Variants in ANKRD13C observed in about 807,000 individuals in gnomAD.
The protein encoded by ANKRD13C is ankyrin repeat domain-containing protein 13C.
A neutral mutation model predicts 65.5 loss-of-function variants in ANKRD13C; 16 were observed. That is an observed-to-expected ratio of 0.24 (90% confidence interval 0.17 to 0.37). The LOEUF is 0.37. ANKRD13C is among the 10% of genes least tolerant of loss of function. The pLI is 1.00. For missense variants in ANKRD13C, 503 were observed against 655.9 expected (o/e 0.77, Z 2.55); for synonymous variants, 235 against 238.7 (o/e 0.98, Z 0.14).
chr1:70,338,056 G>A (rs577298586), intron 1 of ANKRD13C, among the ~76,000 whole-genome samples: 6 of 151,946 alleles, frequency 3.9e-5, no homozygotes, highest in East Asian at 1.9e-4. Flanking sequence ...CCAAGATGGC[G>A]GCAATGCACT....
chr1:70,331,562 T>C (rs1012117465), intron 2 of ANKRD13C, among the ~76,000 whole-genome samples: 4 of 151,386 alleles, frequency 2.6e-5, no homozygotes, highest in South Asian at 2.1e-4. Flanking sequence ...GAACACTAAG[T>C]AGGCCACGCA....
At chr1:70,308,275 C>T (rs891907028) in intron 5 of ANKRD13C, among the ~76,000 whole-genome samples, 19 of 152,150 alleles carry the variant, frequency 1.2e-4, no homozygotes, top group African/African-American at 4.3e-4. Flanking sequence ...GAATTACAGG[C>T]ACAAGCCACC....
intron 5 of ANKRD13C, among the ~76,000 whole-genome samples, chr1:70,311,131 A>G (rs1293105596): frequency 6.6e-6 from 1 of 152,242 alleles, no homozygotes; most frequent in Non-Finnish European, 1.5e-5. Context: ...GCCATAAAGT[A>G]TTATGTAGCT....
At chr1:70,322,556 C>T (rs1681355608) in intron 3 of ANKRD13C, among the ~76,000 whole-genome samples, 1 of 152,164 alleles carries the variant, frequency 6.6e-6, no homozygotes, top group African/African-American at 2.4e-5. Flanking sequence ...TATCCTTTAA[C>T]TAATTTTCCA....
At chr1:70,338,160 T>C (rs1294950702) in intron 1 of ANKRD13C, among the ~76,000 whole-genome samples, 4 of 151,994 alleles carry the variant, frequency 2.6e-5, no homozygotes, top group South Asian at 2.1e-4. Flanking sequence ...TTTAGTAAAA[T>C]TGATTTCTCT....
chr1:70,295,490 CCGGCCT>C (rs1046850115), intron 8 of ANKRD13C, among the ~76,000 whole-genome samples: 7 of 152,136 alleles, frequency 4.6e-5, no homozygotes, highest in African/African-American at 1.7e-4. Context: ...TCGTGATCCG[CCGGCCT>C]CGGCCTCCCA....
intron 1 of ANKRD13C, among the ~76,000 whole-genome samples, chr1:70,346,755 C>A (rs2101630356): frequency 6.6e-6 from 1 of 152,276 alleles, no homozygotes. Context: ...GCTTTTTATA[C>A]TGACCCTTGC....
At chr1:70,310,815 G>GA (rs1262714123) in intron 5 of ANKRD13C, among the ~76,000 whole-genome samples, 8 of 152,104 alleles carry the variant, frequency 5.3e-5, no homozygotes, top group African/African-American at 1.7e-4. Context: ...CCCCACATGG[G>GA]AAAAAAATGG....
At chr1:70,347,091 C>CAAAAA (rs35972712) in intron 1 of ANKRD13C, among the ~76,000 whole-genome samples, 1 of 36,338 alleles carries the variant, frequency 2.8e-5, no homozygotes, top group Non-Finnish European at 4.6e-5. Context: ...GGCTCCGTCT[C>CAAAAA]AAAAAAAAAA....
intron 1 of ANKRD13C, 140 bp downstream of exon 1, chr1:70,353,839 T>G: frequency 8.5e-7 from 1 of 1,175,472 alleles, no homozygotes; most frequent in South Asian, 2.1e-5. Context: ...TATTACTGAG[T>G]CGATCATGAT....
chr1:70,300,710 C>T (rs1680312439), intron 7 of ANKRD13C, 54 bp downstream of exon 7: 27 of 1,464,636 alleles, frequency 1.8e-5, no homozygotes, highest in Non-Finnish European at 2.4e-5. Flanking sequence ...TTGCTAAAAA[C>T]CTATACTTTT....
chr1:70,354,701 C>A lies in ANKRD13C; in HGVS notation c.-293G>T, dbSNP rs1572203351. On this transcript the variant is annotated 5_prime_UTR_variant, in exon 1 of 13. Transcript: ENST00000370944. ...CGCTGCCTTACACCGAAAAACAGGG[C>A]ACGGCCATCTTCCTCTTGCTCCTCT... 2 of 741,810 alleles carry A rather than the reference C, an allele frequency of 2.7e-6. No homozygotes were observed. Among genetic ancestry groups the A allele is most frequent in the East Asian group, 2.7e-5 (1 of 36,922 alleles). The allele number at this position is 741,810 out of a possible 1,614,324, so 46.0% of individuals were successfully genotyped here.
intron 2 of ANKRD13C, 78 bp from the exon 3 acceptor site, chr1:70,325,035 T>A (rs1681470618): frequency 1.1e-6 from 1 of 945,532 alleles, no homozygotes; most frequent in Non-Finnish European, 1.5e-6. Flanking sequence ...AAAAGTTTAA[T>A]AAACCAAATT....
intron 9 of ANKRD13C, among the ~76,000 whole-genome samples, chr1:70,289,669 G>A (rs1679775927): frequency 6.6e-6 from 1 of 150,840 alleles, no homozygotes; most frequent in South Asian, 2.1e-4. Context: ...GTAGAGACGG[G>A]GTTTCACCAT....
chr1:70,318,068 C>G (rs975913899), intron 3 of ANKRD13C, among the ~76,000 whole-genome samples: 3 of 152,132 alleles, frequency 2.0e-5, no homozygotes, highest in African/African-American at 7.2e-5. Flanking sequence ...CGAAGAGATT[C>G]CCTTTTCTAT....
rs1398184106 is a variant in ANKRD13C at position 70,353,989 on chromosome 1, T to C, written c.420A>G (p.Lys140=). The C allele has an allele frequency of 7.8e-6, 12 of 1,531,658 alleles. No individual in the cohort carries two copies. The highest frequency in any genetic ancestry group is 5.5e-5 in the African/African-American group (4 of 72,530). 94.9% of individuals were successfully genotyped at this position (1,531,658 alleles called of 1,614,324 possible). A position where few individuals can be genotyped will look rare whatever the true frequency, so the allele number is the denominator to read the frequency against. ...SLIRTHNIGQ[K]DNHGNTPLHL... ...GCTAGCACTCCTCACCGTGATTATC[T>C]TTCTGCCCGATATTGTGCGTGCGGA... is the stretch of plus-strand genomic sequence containing the variant. Residue 140 remains lysine, a synonymous_variant, in exon 1 of 13, where the codon AAA becomes AAG. Coordinates refer to ENST00000370944, the MANE Select transcript of ANKRD13C (RefSeq NM_030816.5).
chr1:70,295,755 A>G (rs1680056884), intron 8 of ANKRD13C, among the ~76,000 whole-genome samples: 1 of 152,194 alleles, frequency 6.6e-6, no homozygotes, highest in South Asian at 2.1e-4. Context: ...TGAGAAGTCT[A>G]AAGTAGGGAG....
chr1:70,265,824 C>CAAAAAAAAAAAAAAAAAAAAA (rs775757290), intron 12 of ANKRD13C, among the ~76,000 whole-genome samples: 12 of 35,412 alleles, frequency 3.4e-4, no homozygotes, highest in East Asian at 5.6e-4. Context: ...GACCTTGCCT[C>CAAAAAAAAAAAAAAAAAAAAA]AAAAAAAAAA....
chr1:70,304,541 C>T (rs1175574684), intron 6 of ANKRD13C, among the ~76,000 whole-genome samples: 2 of 151,028 alleles, frequency 1.3e-5, no homozygotes, highest in South Asian at 4.2e-4. Flanking sequence ...GAACTATAGG[C>T]ACGTGTCACC....
Sources: gnomAD v4.1 joint callset for allele counts (sites outside exome capture counted in the v4.1 genomes callset) on GRCh38, gnomAD v4.1.1 for gene constraint, MANE v1.5 for transcripts, NCBI Gene and HGNC (gene_info 2026-07-23, HGNC 2026-07-21) for gene names.